GBGT1: variants seen among roughly 807,000 people sequenced by gnomAD.
GBGT1 encodes globoside alpha-1,3-N-acetylgalactosaminyltransferase 1 (FORS blood group).
A neutral mutation model predicts 20.9 loss-of-function variants in GBGT1; 18 were observed. That is an observed-to-expected ratio of 0.86 (90% CI 0.60 to 1.28). The LOEUF is 1.28. Ranked by LOEUF, GBGT1 falls within the 50% of genes most tolerant of loss-of-function variation. The pLI is 0.00. For synonymous variants in GBGT1, 168 were observed against 180.8 expected, an observed-to-expected ratio of 0.93 and a Z score of 0.57; for missense variants, 432 against 455.7, an observed-to-expected ratio of 0.95 and a Z score of 0.47.
rs576936961 is a variant in GBGT1 at position 133,154,349 on chromosome 9, A to G, written c.360-88T>C. The G allele has an allele frequency of 1.8e-5, 13 of 707,396 alleles. No individual in the cohort carries two copies. The Admixed American group carries it at 3.9e-4, about 21-fold the overall frequency. The allele number at this position is 707,396 out of a possible 1,614,324, so 43.8% of individuals were successfully genotyped here. A position where few individuals can be genotyped will look rare whatever the true frequency, so the allele number is the denominator to read the frequency against. ...GCTGGGGTCAGCCAGGCTGGGGTCC[A>G]CTTACCAGCTCCCCATCTCAAGATG... is the stretch of plus-strand genomic sequence containing the variant. On this transcript the variant is annotated intron_variant, in intron 6 of 6. Transcript: ENST00000372040. This position sits in a 1 kb window ranked among gnomAD's most constrained non-coding sequence, Gnocchi z 4.2.
At chr9:133,157,052 C>T (rs936007603) in intron 3 of GBGT1, among the ~76,000 whole-genome samples, 3 of 152,090 alleles carry the variant, frequency 2.0e-5, no homozygotes, top group Admixed American at 6.5e-5. Context: ...GGGGGCCCAA[C>T]GCGGGCAAAG....
At chr9:133,161,160 G>A (rs995639742) in intron 3 of GBGT1, 15 of 404,568 alleles carry the variant, frequency 3.7e-5, no homozygotes, top group African/African-American at 3.1e-4. Context: ...AGCAACAGCA[G>A]GCTGTTTATG....
At chr9:133,156,114 G>A in intron 3 of GBGT1, 49 bp from the exon 4 acceptor site, 1 of 1,606,138 alleles carries the variant, frequency 6.2e-7, no homozygotes, top group Non-Finnish European at 8.5e-7. Context: ...TGGGGACAGA[G>A]ACACTCAGCA....
chr9:133,157,928 C>T (rs1281499099), intron 3 of GBGT1, among the ~76,000 whole-genome samples: 1 of 152,226 alleles, frequency 6.6e-6, no homozygotes, highest in Non-Finnish European at 1.5e-5. Flanking sequence ...GGGCAGATCA[C>T]AAGGTCGAGA....
intron 3 of GBGT1, among the ~76,000 whole-genome samples, chr9:133,156,659 C>CA (rs111747155): frequency 0.098 from 14,164 of 145,054 alleles, 677 homozygotes; most frequent in Middle Eastern, 0.16. Flanking sequence ...GATTCCATCT[C>CA]AAAAAAAAAA....
At chr9:133,156,199 C>T in intron 3 of GBGT1, 134 bp from the exon 4 acceptor site, 4 of 893,652 alleles carry the variant, frequency 4.5e-6, no homozygotes, top group Non-Finnish European at 7.1e-6. Flanking sequence ...GACCTTCCCC[C>T]ACAGCCCCAC....
intron 3 of GBGT1, 145 bp downstream of exon 3, chr9:133,161,322 A>G: frequency 1.8e-6 from 1 of 564,298 alleles, no homozygotes; most frequent in South Asian, 2.7e-5. Context: ...CAGCCCTTAA[A>G]TTACATAAAT....
At chr9:133,158,331 T>A (rs1024370735) in intron 3 of GBGT1, among the ~76,000 whole-genome samples, 1 of 152,116 alleles carries the variant, frequency 6.6e-6, no homozygotes, top group Non-Finnish European at 1.5e-5. Flanking sequence ...CAGGCTGGAG[T>A]GCAGTGGCAC....
At chr9:133,156,128 G>C (rs572735015) in intron 3 of GBGT1, 63 bp from the exon 4 acceptor site, 170 of 1,586,200 alleles carry the variant, frequency 1.1e-4, no homozygotes, top group Middle Eastern at 9.2e-4. Context: ...CTCAGCACAG[G>C]AAGAAGGAGG....
chr9:133,161,633 G>C (rs1833047784), intron 2 of GBGT1, 101 bp from the exon 3 acceptor site: 1 of 732,966 alleles, frequency 1.4e-6, no homozygotes, highest in South Asian at 1.9e-5. Context: ...CTCCCACAGT[G>C]CATTAGGAGG....
intron 3 of GBGT1, among the ~76,000 whole-genome samples, chr9:133,158,967 T>C (rs918458969): frequency 6.6e-6 from 1 of 152,072 alleles, no homozygotes; most frequent in African/African-American, 2.4e-5. Context: ...CTTTTTTTTT[T>C]CTTTTTTTAG....
intron 3 of GBGT1, 77 bp downstream of exon 3, chr9:133,161,390 A>C (rs1833037083): frequency 2.5e-6 from 2 of 802,990 alleles, no homozygotes; most frequent in Admixed American, 5.5e-5. Context: ...GATGAAGTGA[A>C]CTTAAATACT....
intron 2 of GBGT1, among the ~76,000 whole-genome samples, chr9:133,161,778 A>G (rs1833053119): frequency 6.6e-6 from 1 of 152,182 alleles, no homozygotes; most frequent in Admixed American, 6.5e-5. Flanking sequence ...GGGAGTGTAT[A>G]TTCTTGATGC....
rs1235418638 is a variant in GBGT1, at chr9:133,154,075, G to A, written c.546C>T (p.Arg182=). 14 of 1,613,378 alleles carry A rather than the reference G, an allele frequency of 8.7e-6. No homozygotes were observed. In the East Asian group the frequency reaches 3.1e-4, roughly 36 times the overall value. ...TGTGCTGGCTGATGGTCTCCATCCG[G>A]CGCATGGATGTCTCCTCCCAGTGGG... ...GHSHWEETSM[R]RMETISQHIA... is the part of the protein sequence containing the mutation. The change falls in exon 7 of 7, where the codon CGC becomes CGT. Residue 182 remains arginine (R), a synonymous_variant. Coordinates refer to ENST00000372040, the MANE Select transcript of GBGT1 (RefSeq NM_021996.6). The surrounding 1 kb of genome is among the most constrained non-coding windows in gnomAD (Gnocchi z 4.2).
chr9:133,153,545 G>C lies in GBGT1; in HGVS notation c.*32C>G. 6.8e-7 allele frequency: 1 copy of C among 1,474,918 alleles called. No individual in the cohort carries two copies. Among genetic ancestry groups the C allele is most frequent in the Non-Finnish European group, 9.1e-7 (1 of 1,094,780 alleles). The allele number at this position is 1,474,918 out of a possible 1,614,324, so 91.4% of individuals were successfully genotyped here. ...AGCACTGGTGGCTGCAGGTCTTTGGGTCCCCATCCATGGCAACCCCCAGCT... is the reference window on the plus strand; with the variant it reads ...AGCACTGGTGGCTGCAGGTCTTTGGCTCCCCATCCATGGCAACCCCCAGCT... On this transcript the variant is annotated 3_prime_UTR_variant, in exon 7 of 7. Transcript: ENST00000372040.
In GBGT1 at chr9:133,153,631, C is replaced by T. The variant is rs1399192405; in HGVS notation, c.990G>A (p.Leu330=). ...CCAGTGTAGAAAAGCGGATCAGCTT[C>T]AGGCTGGGTGGCTGGGGCTTCCTGT... The part of the protein sequence containing the change: ...WDDRKPQPPS[L]KLIRFSTLDK... The change falls in exon 7 of 7, where the codon CTG becomes CTA. Residue 330 remains leucine (L), a synonymous_variant. Coordinates refer to ENST00000372040, the MANE Select transcript of GBGT1 (RefSeq NM_021996.6). 6.2e-7 allele frequency: 1 copy of T among 1,603,470 alleles called. No individual in the cohort carries two copies. Among genetic ancestry groups the T allele is most frequent in the Non-Finnish European group, 8.5e-7 (1 of 1,174,568 alleles).
intron 3 of GBGT1, among the ~76,000 whole-genome samples, chr9:133,156,707 C>T (rs975543917): frequency 6.6e-5 from 10 of 151,652 alleles, no homozygotes; most frequent in South Asian, 2.1e-4. Context: ...ACTGGGACCT[C>T]GGGTGAGCTA....
rs765533813 is a variant in GBGT1, at chr9:133,162,443, T to G, written c.-31A>C. 1.1e-5 allele frequency: 18 copies of G among 1,574,500 alleles called. No individual in the cohort carries two copies. The East Asian group carries it at 4.1e-4, about 36-fold the overall frequency. ...GGGGCTGCACCTGAGCCTGGGCACTTGTAGAGACCCCCACTGGCCTGGGCG... is the reference window on the plus strand; with the variant it reads ...GGGGCTGCACCTGAGCCTGGGCACTGGTAGAGACCCCCACTGGCCTGGGCG... On this transcript the variant is annotated 5_prime_UTR_variant, in exon 2 of 7. Transcript: ENST00000372040.
intron 3 of GBGT1, among the ~76,000 whole-genome samples, chr9:133,160,706 G>A (rs1436810417): frequency 6.6e-6 from 1 of 152,124 alleles, no homozygotes; most frequent in Non-Finnish European, 1.5e-5. Flanking sequence ...CAGTCCCTGG[G>A]TGGAATAAGA....
Sources: allele counts gnomAD v4.1 joint callset (sites outside exome capture counted in the v4.1 genomes callset), GRCh38; gene constraint gnomAD v4.1.1; non-coding constraint Gnocchi (gnomAD v3.1); transcripts MANE v1.5; gene names NCBI Gene and HGNC (gene_info 2026-07-23, HGNC 2026-07-21).